GPBP1: variants seen among roughly 807,000 people sequenced by gnomAD.
GPBP1 encodes the protein vasculin.
In GPBP1, 13 loss-of-function variants were observed where a neutral mutation model predicts 56.5. The ratio of observed to expected loss-of-function variants is 0.23; its 90% CI spans 0.15 to 0.37. GPBP1 has a LOEUF of 0.37. GPBP1 is among the 10% of genes least tolerant of loss of function. The pLI, the probability that GPBP1 is intolerant of heterozygous loss-of-function variation, is 1.00. For missense variants in GPBP1, 477 were observed against 572.3 expected (o/e 0.83, Z 1.70); for synonymous variants, 204 against 188.9 (o/e 1.08, Z -0.66).
chr5:57,262,040 C>CT (rs1265205517), intron 11 of GPBP1, among the ~76,000 whole-genome samples: 5 of 152,144 alleles, frequency 3.3e-5, no homozygotes, highest in Admixed American at 2.6e-4. Flanking sequence ...TGCCACTACA[C>CT]TGGGCTTATT....
intron 2 of GPBP1, among the ~76,000 whole-genome samples, chr5:57,177,648 C>CTTTTTTTTTT (rs58708281): frequency 1.7e-4 from 16 of 92,242 alleles, no homozygotes; most frequent in Non-Finnish European, 2.4e-4. Flanking sequence ...CAATTTTTGC[C>CTTTTTTTTTT]TTTTTTTTTT....
chr5:57,211,213 T>C (rs1488638162), intron 2 of GPBP1, among the ~76,000 whole-genome samples: 2 of 151,966 alleles, frequency 1.3e-5, no homozygotes, highest in Non-Finnish European at 2.9e-5. Flanking sequence ...TTTTTTGAGA[T>C]AGGATCTTCT....
At chr5:57,187,749 A>G (rs546509734) in intron 2 of GPBP1, among the ~76,000 whole-genome samples, 2 of 152,200 alleles carry the variant, frequency 1.3e-5, no homozygotes, top group South Asian at 4.1e-4. Flanking sequence ...TTGTAAAATA[A>G]TACAGACAGT....
At chr5:57,181,017 A>G (rs1295321760) in intron 2 of GPBP1, among the ~76,000 whole-genome samples, 1 of 152,180 alleles carries the variant, frequency 6.6e-6, no homozygotes, top group African/African-American at 2.4e-5. Context: ...ATGGCTTTAA[A>G]ATATAGTTTG....
intron 2 of GPBP1, among the ~76,000 whole-genome samples, chr5:57,204,980 T>C (rs1295423517): frequency 1.3e-5 from 2 of 152,218 alleles, no homozygotes; most frequent in Non-Finnish European, 2.9e-5. Context: ...CACATAAAGT[T>C]AATCACTTAA....
At chr5:57,195,268 A>G (rs1191502063) in intron 2 of GPBP1, among the ~76,000 whole-genome samples, 2 of 152,068 alleles carry the variant, frequency 1.3e-5, no homozygotes, top group African/African-American at 4.8e-5. Context: ...TGGTCCTCCC[A>G]TGTCAGCCTC....
At chr5:57,187,888 T>C (rs1579979066) in intron 2 of GPBP1, among the ~76,000 whole-genome samples, 1 of 57,494 alleles carries the variant, frequency 1.7e-5, no homozygotes, top group Non-Finnish European at 4.5e-5. Context: ...AGAAACCAGA[T>C]ATATATATAT....
At chr5:57,251,443 G>A (rs767390207) in intron 10 of GPBP1, among the ~76,000 whole-genome samples, 1 of 152,062 alleles carries the variant, frequency 6.6e-6, no homozygotes, top group Admixed American at 6.6e-5. Flanking sequence ...CTTTCACTAA[G>A]TATAATATTT....
At chr5:57,218,174 C>G (rs1249584343) in intron 3 of GPBP1, among the ~76,000 whole-genome samples, 3 of 152,196 alleles carry the variant, frequency 2.0e-5, no homozygotes, top group Non-Finnish European at 4.4e-5. Flanking sequence ...CCAGCAGACA[C>G]TACCTGGGTA....
In GPBP1 at chr5:57,174,078, C is replaced by T. The variant is rs1753685065; in HGVS notation, c.-1144C>T. ...CAGAACATTGCGGATCGGGTCGGCG[C>T]CATTTTGGGACTGAGACTGGTTGTG... On this transcript the variant is annotated 5_prime_UTR_variant, in exon 1 of 12. Transcript: ENST00000506184. The T allele has an allele frequency of 6.5e-6, 1 of 152,986 alleles. No individual in the cohort carries two copies. The highest frequency in any genetic ancestry group is 1.5e-5 in the Non-Finnish European group (1 of 68,370). 9.5% of individuals were successfully genotyped at this position (152,986 alleles called of 1,614,324 possible).
intron 6 of GPBP1, chr5:57,237,577 AAAAG>A (rs1740596970): frequency 6.0e-6 from 1 of 168,018 alleles, no homozygotes; most frequent in East Asian, 1.5e-4. Context: ...CATAAACAAA[AAAAG>A]AAAATGGTTA....
chr5:57,200,373 T>A (rs1012880055), intron 2 of GPBP1, among the ~76,000 whole-genome samples: 1 of 140,738 alleles, frequency 7.1e-6, no homozygotes, highest in Non-Finnish European at 1.5e-5. Flanking sequence ...TTTTTTTTTT[T>A]TTTTTTTTTT....
chr5:57,177,805 T>G (rs1044462447), intron 2 of GPBP1, among the ~76,000 whole-genome samples: 1 of 151,846 alleles, frequency 6.6e-6, no homozygotes, highest in Non-Finnish European at 1.5e-5. Context: ...CCGGCTGAGA[T>G]TGCAATTTTT....
chr5:57,199,308 TTTATA>T (rs1754897233), intron 2 of GPBP1, among the ~76,000 whole-genome samples: 1 of 152,144 alleles, frequency 6.6e-6, no homozygotes, highest in Non-Finnish European at 1.5e-5. Context: ...GACTCACAGT[TTTATA>T]TTATTAGTGT....
chr5:57,187,844 A>G (rs923988317), intron 2 of GPBP1, among the ~76,000 whole-genome samples: 3 of 152,044 alleles, frequency 2.0e-5, no homozygotes, highest in African/African-American at 7.2e-5. Flanking sequence ...ATTGGAGGAC[A>G]TAGGTAAGTA....
chr5:57,215,516 A>G (rs534167053), intron 3 of GPBP1, among the ~76,000 whole-genome samples: 56 of 152,348 alleles, frequency 3.7e-4, no homozygotes, highest in African/African-American at 1.3e-3. Flanking sequence ...GCTCTGATCC[A>G]ATTTAGTTAT....
At chr5:57,190,414 A>G (rs928249630) in intron 2 of GPBP1, among the ~76,000 whole-genome samples, 1 of 151,844 alleles carries the variant, frequency 6.6e-6, no homozygotes, top group African/African-American at 2.4e-5. Flanking sequence ...GTGAAACCCC[A>G]TCTCTACTAA....
At chr5:57,205,119 C>G (rs1352014786) in intron 2 of GPBP1, among the ~76,000 whole-genome samples, 1 of 152,170 alleles carries the variant, frequency 6.6e-6, no homozygotes, top group African/African-American at 2.4e-5. Context: ...TCCACCCTCC[C>G]AACAGTCTCT....
chr5:57,256,720 C>A (rs1741679218), intron 10 of GPBP1, among the ~76,000 whole-genome samples: 1 of 152,024 alleles, frequency 6.6e-6, no homozygotes, highest in South Asian at 2.1e-4. Context: ...TGAAAAAGAT[C>A]CTAAGACAAG....
Sources: allele counts gnomAD v4.1 joint callset (sites outside exome capture counted in the v4.1 genomes callset), GRCh38; gene constraint gnomAD v4.1.1; transcripts MANE v1.5; gene names NCBI Gene and HGNC (gene_info 2026-07-23, HGNC 2026-07-21).